Variants in HHAT observed in about 807,000 individuals in gnomAD.
HHAT encodes the protein hedgehog acyltransferase.
Under a neutral mutation model 70.8 loss-of-function variants are expected in HHAT, and 47 were observed. That is an observed-to-expected ratio of 0.66 (90% CI 0.53 to 0.85). The LOEUF is 0.85. Among genes scored for constraint, HHAT ranks in the 40% least tolerant of loss-of-function variants. HHAT has a pLI of 0.00. For synonymous variants in HHAT, 228 were observed against 247.6 expected, an observed-to-expected ratio of 0.92 and a Z score of 0.74; for missense variants, 609 against 604.8, an observed-to-expected ratio of 1.01 and a Z score of -0.07.
At chr1:210,494,753 A>G (rs1414232378) in intron 8 of HHAT, among the ~76,000 whole-genome samples, 1 of 151,822 alleles carries the variant, frequency 6.6e-6, no homozygotes, top group African/African-American at 2.4e-5. Context: ...GGGTTTCACC[A>G]TGTTGGCCAG....
At chr1:210,410,269 A>C (rs887571659) in intron 6 of HHAT, among the ~76,000 whole-genome samples, 2 of 151,104 alleles carry the variant, frequency 1.3e-5, no homozygotes. Context: ...TGTTAGCCAG[A>C]ATGGTCTCGA....
chr1:210,561,122 C>T (rs555133761), intron 9 of HHAT, among the ~76,000 whole-genome samples: 70 of 152,248 alleles, frequency 4.6e-4, no homozygotes, highest in African/African-American at 1.5e-3. Flanking sequence ...GGGTAAGTCC[C>T]ATAGAACTAG....
intron 7 of HHAT, among the ~76,000 whole-genome samples, chr1:210,435,352 A>C (rs1392119371): frequency 1.4e-5 from 2 of 143,590 alleles, no homozygotes; most frequent in African/African-American, 5.2e-5. Context: ...ATATATTTCA[A>C]TTTTTTAACT....
chr1:210,575,311 G>A (rs1176737187), intron 9 of HHAT, among the ~76,000 whole-genome samples: 1 of 152,076 alleles, frequency 6.6e-6, no homozygotes, highest in Non-Finnish European at 1.5e-5. Flanking sequence ...GGAGAAAGGT[G>A]GGAAGACAGG....
intron 10 of HHAT, among the ~76,000 whole-genome samples, chr1:210,617,415 G>A (rs1463361682): frequency 1.3e-5 from 2 of 152,244 alleles, no homozygotes; most frequent in African/African-American, 4.8e-5. Context: ...GCTAGAGTAT[G>A]ACCAGTCAGT....
At chr1:210,632,636 T>G (rs1326378514) in intron 11 of HHAT, among the ~76,000 whole-genome samples, 2 of 152,212 alleles carry the variant, frequency 1.3e-5, no homozygotes, top group African/African-American at 2.4e-5. Context: ...GCTTCCAGCT[T>G]GCTTGTCTAT....
chr1:210,432,978 G>T (rs964308966), intron 7 of HHAT, among the ~76,000 whole-genome samples: 2 of 151,700 alleles, frequency 1.3e-5, no homozygotes, highest in African/African-American at 2.4e-5. Flanking sequence ...CCTCTCGATG[G>T]CAGGGCTCTC....
intron 8 of HHAT, among the ~76,000 whole-genome samples, chr1:210,502,272 T>C (rs2094771565): frequency 6.7e-6 from 1 of 148,174 alleles, no homozygotes; most frequent in Admixed American, 6.9e-5. Context: ...TAGTCCCAGC[T>C]ACTTGGGAGG....
At chr1:210,451,801 A>G (rs575471096) in intron 7 of HHAT, among the ~76,000 whole-genome samples, 1 of 152,210 alleles carries the variant, frequency 6.6e-6, no homozygotes, top group Non-Finnish European at 1.5e-5. Flanking sequence ...CTGGTCTCCA[A>G]CTCTTGGTCT....
At chr1:210,489,074 A>C (rs747008687) in intron 8 of HHAT, among the ~76,000 whole-genome samples, 4 of 152,188 alleles carry the variant, frequency 2.6e-5, no homozygotes, top group Non-Finnish European at 4.4e-5. Flanking sequence ...GAAAAGTCTT[A>C]AGTAACGTTC....
intron 9 of HHAT, among the ~76,000 whole-genome samples, chr1:210,580,531 C>A (rs1350478892): frequency 7.2e-6 from 1 of 139,488 alleles, no homozygotes; most frequent in Non-Finnish European, 1.5e-5. Context: ...TGTTGTTCCC[C>A]TGTCTGTATC....
At chr1:210,553,270 G>A (rs2095543261) in intron 9 of HHAT, among the ~76,000 whole-genome samples, 1 of 152,278 alleles carries the variant, frequency 6.6e-6, no homozygotes, top group East Asian at 1.9e-4. Context: ...TTTTCAGGGT[G>A]TGTCCATTTG....
At chr1:210,613,458 C>G (rs1206724175) in intron 10 of HHAT, among the ~76,000 whole-genome samples, 1 of 152,156 alleles carries the variant, frequency 6.6e-6, no homozygotes, top group African/African-American at 2.4e-5. Context: ...TCTGGTCTCT[C>G]TATTCTATTC....
intron 8 of HHAT, among the ~76,000 whole-genome samples, chr1:210,469,664 TGTTC>T (rs1167807296): frequency 6.6e-6 from 1 of 152,114 alleles, no homozygotes; most frequent in Non-Finnish European, 1.5e-5. Context: ...TTATGCCATT[TGTTC>T]GTTTGTGGTT....
At chr1:210,608,226 C>A (rs1300818702) in intron 10 of HHAT, among the ~76,000 whole-genome samples, 4 of 152,142 alleles carry the variant, frequency 2.6e-5, no homozygotes, top group African/African-American at 7.2e-5. Flanking sequence ...GAGGAGTTGG[C>A]AAACTAAGGT....
intron 10 of HHAT, among the ~76,000 whole-genome samples, chr1:210,591,818 T>C (rs1339413904): frequency 2.6e-5 from 4 of 152,160 alleles, no homozygotes; most frequent in Non-Finnish European, 5.9e-5. Flanking sequence ...CTGTTTGCCA[T>C]TCATATGTCA....
At position 210,606,047 on chromosome 1, in the gene HHAT, G is replaced by A. The variant is rs112900429; in HGVS notation, c.1246-17479G>A. On this transcript the variant is annotated intron_variant, in intron 10 of 11. Transcript: ENST00000261458. ...ATTTTTTTTTATTTTTAGTAGAGATGGAATTTCACTATGTTGGCCAGGCTG... is the reference window on the plus strand; with the variant it reads ...ATTTTTTTTTATTTTTAGTAGAGATAGAATTTCACTATGTTGGCCAGGCTG... 3.3e-5 allele frequency among the ~76,000 whole-genome samples: 5 copies of A among 151,892 alleles called. 1 individual carries two copies. Among genetic ancestry groups the A allele is most frequent in the African/African-American group, 1.2e-4 (5 of 41,430 alleles).
chr1:210,672,222 C>G (rs1252725389), intron 11 of HHAT, among the ~76,000 whole-genome samples: 1 of 152,190 alleles, frequency 6.6e-6, no homozygotes, highest in African/African-American at 2.4e-5. Flanking sequence ...GCACATATAC[C>G]ACTATGCTAC....
chr1:210,644,441 A>G (rs574815733), intron 11 of HHAT, among the ~76,000 whole-genome samples: 3 of 152,016 alleles, frequency 2.0e-5, no homozygotes, highest in East Asian at 1.9e-4. Context: ...CGTCTCTACT[A>G]AAAATATAAA....
Sources: allele counts gnomAD v4.1 joint callset (sites outside exome capture counted in the v4.1 genomes callset), GRCh38; gene constraint gnomAD v4.1.1; transcripts MANE v1.5; gene names NCBI Gene and HGNC (gene_info 2026-07-23, HGNC 2026-07-21).